RBFOX1: variants seen among roughly 807,000 people sequenced by gnomAD.
RBFOX1 encodes RNA binding fox-1 homolog 1.
RBFOX1 carries 8 observed loss-of-function variants against 57.7 expected under a neutral mutation model. That is an observed-to-expected ratio of 0.14 (90% confidence interval 0.08 to 0.25). RBFOX1 has a LOEUF of 0.25. RBFOX1 is among the 10% of genes least tolerant of loss of function. The pLI is 1.00. For synonymous variants in RBFOX1, 326 were observed against 222.4 expected, an observed-to-expected ratio of 1.47 and a Z score of -4.15; for missense variants, 611 against 548.5, an observed-to-expected ratio of 1.11 and a Z score of -1.14.
At chr16:5,362,558 C>T (rs896281610) in intron 1 of RBFOX1, among the ~76,000 whole-genome samples, 8 of 152,160 alleles carry the variant, frequency 5.3e-5, no homozygotes, top group African/African-American at 1.9e-4. Flanking sequence ...GACGGGGTTT[C>T]TCCATGTTGG....
chr16:6,604,993 A>C (rs1010456352), intron 2 of RBFOX1, among the ~76,000 whole-genome samples: 4 of 151,976 alleles, frequency 2.6e-5, no homozygotes. Context: ...AAATAAAATT[A>C]TATATAAATA....
At chr16:5,801,405 A>T (rs1212722701) in intron 3 of RBFOX1, among the ~76,000 whole-genome samples, 1 of 151,018 alleles carries the variant, frequency 6.6e-6, no homozygotes, top group Non-Finnish European at 1.5e-5. Flanking sequence ...GCTGGAAAAC[A>T]ACCTTGTAGG....
chr16:7,174,327 G>A (rs1487611287), intron 4 of RBFOX1, among the ~76,000 whole-genome samples: 8 of 152,100 alleles, frequency 5.3e-5, no homozygotes, highest in African/African-American at 1.9e-4. Context: ...ATTTATTGAT[G>A]GATACGTGGA....
chr16:6,489,095 A>G (rs2095570639), intron 2 of RBFOX1, among the ~76,000 whole-genome samples: 1 of 152,178 alleles, frequency 6.6e-6, no homozygotes, highest in African/African-American at 2.4e-5. Flanking sequence ...GGTCGTTGTG[A>G]TTTAAAGTGC....
intron 3 of RBFOX1, among the ~76,000 whole-genome samples, chr16:7,051,795 A>T (rs1440279906): frequency 1.3e-5 from 2 of 152,158 alleles, no homozygotes; most frequent in East Asian, 1.9e-4. Flanking sequence ...TCCCAGGCAG[A>T]TGCTGCCTCC....
intron 3 of RBFOX1, among the ~76,000 whole-genome samples, chr16:6,966,165 C>G (rs114203403): frequency 1.1e-3 from 175 of 152,246 alleles, no homozygotes; most frequent in African/African-American, 4.0e-3. Flanking sequence ...CATTTACGCT[C>G]TTGCCAGAGG....
chr16:5,567,635 CAAAAAAAAAA>C (rs34858401), intron 2 of RBFOX1, among the ~76,000 whole-genome samples: 6 of 63,160 alleles, frequency 9.5e-5, no homozygotes, highest in African/African-American at 3.2e-4. Flanking sequence ...AGGTTATAGG[CAAAAAAAAAA>C]AAAAAAAAAA....
chr16:5,721,392 C>T (rs1454312679), intron 3 of RBFOX1, among the ~76,000 whole-genome samples: 1 of 152,064 alleles, frequency 6.6e-6, no homozygotes, highest in Non-Finnish European at 1.5e-5. Flanking sequence ...TTTCTGTGTT[C>T]AAGATCTTGT....
At position 6,851,436 on chromosome 16, in the gene RBFOX1, C is replaced by T. The variant is rs543909266; in HGVS notation, c.-16+196786C>T. Among the ~76,000 whole-genome samples, 4 of 152,166 alleles carry T rather than the reference C, an allele frequency of 2.6e-5. 1 individual carries two copies. The highest frequency in any genetic ancestry group is 6.5e-5 in the Admixed American group (1 of 15,274). On this transcript the variant is annotated intron_variant, in intron 3 of 15. Transcript: ENST00000550418. Reference sequence around the variant, plus strand: ...TCTCTGTATATTACTTATTAAATTACATGTGAATCTACAGTTATCTCAAAA... The same window carrying T: ...TCTCTGTATATTACTTATTAAATTATATGTGAATCTACAGTTATCTCAAAA...
intron 4 of RBFOX1, among the ~76,000 whole-genome samples, chr16:5,957,778 TCTCCATCC>T (rs1030456281): frequency 3.3e-5 from 5 of 151,954 alleles, no homozygotes; most frequent in African/African-American, 1.2e-4. Context: ...AGTGTGGGGG[TCTCCATCC>T]CTTTGAGCAT....
intron 2 of RBFOX1, among the ~76,000 whole-genome samples, chr16:6,653,368 C>T (rs906272625): frequency 6.6e-6 from 1 of 152,182 alleles, no homozygotes; most frequent in Non-Finnish European, 1.5e-5. Flanking sequence ...CATGTGTCTT[C>T]TACATTGTTG....
At chr16:5,667,400 T>C (rs1337856526) in intron 3 of RBFOX1, among the ~76,000 whole-genome samples, 1 of 152,228 alleles carries the variant, frequency 6.6e-6, no homozygotes, top group Non-Finnish European at 1.5e-5. Flanking sequence ...CTACATTGTT[T>C]ATTAATTTCT....
At chr16:5,628,084 C>T (rs747789011) in intron 3 of RBFOX1, among the ~76,000 whole-genome samples, 8 of 152,190 alleles carry the variant, frequency 5.3e-5, no homozygotes, top group Non-Finnish European at 8.8e-5. Flanking sequence ...TGGTCTGTCT[C>T]TGCCCACCCC....
chr16:5,639,395 A>T (rs565109925), intron 3 of RBFOX1, among the ~76,000 whole-genome samples: 1 of 152,240 alleles, frequency 6.6e-6, no homozygotes, highest in South Asian at 2.1e-4. Flanking sequence ...AAAATTTTGG[A>T]TTACTTGTCA....
chr16:7,280,989 C>CTCCTTCCT (rs1257640598), intron 4 of RBFOX1, among the ~76,000 whole-genome samples: 24 of 54,384 alleles, frequency 4.4e-4, no homozygotes, highest in South Asian at 8.1e-4. Context: ...CCCTCCCTCC[C>CTCCTTCCT]TCCTTCCTTC....
At chr16:6,189,356 C>T (rs756683692) in intron 1 of RBFOX1, among the ~76,000 whole-genome samples, 11 of 152,170 alleles carry the variant, frequency 7.2e-5, no homozygotes, top group South Asian at 2.1e-4. Flanking sequence ...GTCTAGTGCG[C>T]GCTGGTTCAC....
At chr16:6,746,992 C>A (rs898319785) in intron 3 of RBFOX1, among the ~76,000 whole-genome samples, 1 of 152,136 alleles carries the variant, frequency 6.6e-6, no homozygotes, top group African/African-American at 2.4e-5. Context: ...TACTACTGTG[C>A]AGATATCCCC....
chr16:6,660,323 T>G (rs1475022868), intron 3 of RBFOX1, among the ~76,000 whole-genome samples: 1 of 151,926 alleles, frequency 6.6e-6, no homozygotes, highest in Non-Finnish European at 1.5e-5. Context: ...GATTGATAGG[T>G]GCAGCCAACC....
At chr16:5,761,787 A>G (rs1721920189) in intron 3 of RBFOX1, among the ~76,000 whole-genome samples, 1 of 152,208 alleles carries the variant, frequency 6.6e-6, no homozygotes, top group African/African-American at 2.4e-5. Context: ...GAATAAGCTG[A>G]GATGGCACAT....
Sources: gnomAD v4.1 joint callset for allele counts (sites outside exome capture counted in the v4.1 genomes callset) on GRCh38, gnomAD v4.1.1 for gene constraint, MANE v1.5 for transcripts, NCBI Gene and HGNC (gene_info 2026-07-23, HGNC 2026-07-21) for gene names.